The following TPD52L2 variants were observed in gnomAD, a reference collection of about 807,000 sequenced individuals.
TPD52L2 encodes TPD52 like 2.
A neutral mutation model predicts 24.7 loss-of-function variants in TPD52L2; 19 were observed. That is an observed-to-expected ratio of 0.77 (90% CI 0.54 to 1.13). TPD52L2 has a LOEUF of 1.13. Among genes scored for constraint, TPD52L2 ranks in the 50% most tolerant of loss-of-function variants. The pLI, the probability that TPD52L2 is intolerant of heterozygous loss-of-function variation, is 0.00. For synonymous variants in TPD52L2, 104 were observed against 100.2 expected, an observed-to-expected ratio of 1.04 and a Z score of -0.23; for missense variants, 236 against 250.4, an observed-to-expected ratio of 0.94 and a Z score of 0.39.
chr20:63,890,090 G>GCTGC lies in TPD52L2; in HGVS notation c.*147_*150dup, dbSNP rs2053276728. ...TCCTGCCCATCCACGCGGAGATGTGGCTGCCGCGTTTGCATGAATTTGAAG... is the reference window on the plus strand; with the variant it reads ...TCCTGCCCATCCACGCGGAGATGTGGCTGCCTGCCGCGTTTGCATGAATTTGAAG... On this transcript the variant is annotated 3_prime_UTR_variant, in exon 7 of 7. Transcript: ENST00000346249. 1 of 1,493,446 alleles carries GCTGC rather than the reference G, an allele frequency of 6.7e-7. No homozygotes were observed. Among genetic ancestry groups the GCTGC allele is most frequent in the Non-Finnish European group, 8.9e-7 (1 of 1,117,390 alleles). The allele number at this position is 1,493,446 out of a possible 1,614,324, so 92.5% of individuals were successfully genotyped here. A position where few individuals can be genotyped will look rare whatever the true frequency, so the allele number is the denominator to read the frequency against.
At chr20:63,887,575 T>A in intron 5 of TPD52L2, 1 of 1,613,084 alleles carries the variant, frequency 6.2e-7, no homozygotes, top group Non-Finnish European at 8.5e-7. Flanking sequence ...AGCTACTCCA[T>A]CCGCCACTCA....
chr20:63,886,508 C>T lies in TPD52L2; in HGVS notation c.477-2682C>T, dbSNP rs1327268014. ...CTCCGAGTAGCTGGGACTACAGGCG[C>T]CCGCCGCCACGCCCGGCTAATTTTT... On this transcript the variant is annotated intron_variant, in intron 5 of 6. Coordinates refer to ENST00000346249, the MANE Select transcript of TPD52L2 (RefSeq NM_003288.4). Among the ~76,000 whole-genome samples, 21 of 152,030 alleles carry T rather than the reference C, an allele frequency of 1.4e-4. No individual in the cohort carries two copies. The South Asian group carries it at 3.5e-3, about 26-fold the overall frequency.
intron 5 of TPD52L2, 143 bp downstream of exon 5, chr20:63,882,963 A>G: frequency 1.5e-6 from 1 of 650,150 alleles, no homozygotes. Context: ...GGCCCCGACC[A>G]GTCTGTGTGC....
intron 3 of TPD52L2, among the ~76,000 whole-genome samples, chr20:63,875,228 G>A (rs1227088610): frequency 2.0e-5 from 3 of 151,336 alleles, no homozygotes; most frequent in Non-Finnish European, 4.4e-5. Context: ...CCCCGATGAC[G>A]ACGTGGTCCT....
intron 4 of TPD52L2, among the ~76,000 whole-genome samples, chr20:63,876,131 G>A (rs1018118071): frequency 1.3e-5 from 2 of 152,204 alleles, no homozygotes; most frequent in South Asian, 4.1e-4. Context: ...CGTCCCTTAT[G>A]TAAGAGGCCT....
At chr20:63,884,269 AC>A (rs1232905046) in intron 5 of TPD52L2, among the ~76,000 whole-genome samples, 1 of 151,910 alleles carries the variant, frequency 6.6e-6, no homozygotes, top group East Asian at 1.9e-4. Flanking sequence ...CCCAGGAGGG[AC>A]CCCCTGAGTT....
chr20:63,881,814 G>GT (rs1255240102), intron 4 of TPD52L2, among the ~76,000 whole-genome samples: 8 of 152,214 alleles, frequency 5.3e-5, no homozygotes, highest in African/African-American at 1.9e-4. Flanking sequence ...TTATGTCAGA[G>GT]TCTGCTGTGT....
intron 5 of TPD52L2, chr20:63,887,443 C>T (rs921950202): frequency 2.4e-5 from 26 of 1,098,470 alleles, no homozygotes; most frequent in Admixed American, 3.4e-5. Flanking sequence ...GCAGGCAGCT[C>T]GCTCCAACTG....
chr20:63,867,410 A>T (rs1220300558), intron 1 of TPD52L2, among the ~76,000 whole-genome samples: 1 of 152,092 alleles, frequency 6.6e-6, no homozygotes, highest in African/African-American at 2.4e-5. Flanking sequence ...TACTAAAAAT[A>T]AAAAAATTAA....
At chr20:63,879,606 C>T (rs927206545) in intron 4 of TPD52L2, among the ~76,000 whole-genome samples, 2 of 151,566 alleles carry the variant, frequency 1.3e-5, no homozygotes, top group Admixed American at 6.6e-5. Flanking sequence ...GTAGCTTCCC[C>T]ATGCCCACTC....
intron 4 of TPD52L2, among the ~76,000 whole-genome samples, chr20:63,879,689 C>T (rs2052824514): frequency 7.0e-6 from 1 of 142,710 alleles, no homozygotes; most frequent in African/African-American, 2.6e-5. Context: ...GCTTCCCCAT[C>T]CCCACTCTTA....
At chr20:63,880,760 G>A (rs1017154716) in intron 4 of TPD52L2, among the ~76,000 whole-genome samples, 9 of 151,936 alleles carry the variant, frequency 5.9e-5, no homozygotes, top group Non-Finnish European at 1.0e-4. Flanking sequence ...ATGTGGTGGC[G>A]GGCGCCTGTA....
At chr20:63,889,452 A>T (rs1485243517) in intron 6 of TPD52L2, among the ~76,000 whole-genome samples, 1 of 152,104 alleles carries the variant, frequency 6.6e-6, no homozygotes, top group Non-Finnish European at 1.5e-5. Flanking sequence ...GCACTGACTC[A>T]GGACACAGAA....
Position 63,865,297 on chromosome 20 carries a change from G to T in TPD52L2, c.-69G>T. The T allele has an allele frequency of 6.7e-7, 1 of 1,484,034 alleles. No homozygotes were observed. The highest frequency in any genetic ancestry group is 8.9e-7 in the Non-Finnish European group (1 of 1,122,238). 91.9% of individuals were successfully genotyped at this position (1,484,034 alleles called of 1,614,324 possible). ...TTCCGCTGGCTAGTGTGTACGCGGC[G>T]AGCTTCTCCCGGCGCCGCCCGCTCG... On this transcript the variant is annotated 5_prime_UTR_variant, in exon 1 of 7. Transcript: ENST00000346249.
At chr20:63,865,409 G>A in intron 1 of TPD52L2, 25 bp downstream of exon 1, 4 of 1,527,494 alleles carry the variant, frequency 2.6e-6, no homozygotes, top group East Asian at 2.5e-5. Flanking sequence ...CGGCCCCTTC[G>A]CCGCAGATGG....
At chr20:63,888,797 G>A (rs188096875) in intron 5 of TPD52L2, 27 of 230,922 alleles carry the variant, frequency 1.2e-4, no homozygotes, top group African/African-American at 5.0e-4. Context: ...ACCTCAGTAC[G>A]AGAGCCCGGG....
intron 5 of TPD52L2, chr20:63,887,674 CGG>C: frequency 6.8e-7 from 1 of 1,479,890 alleles, no homozygotes; most frequent in Non-Finnish European, 9.4e-7. Context: ...CAGCTCCCGC[CGG>C]TTACACCTTG....
intron 5 of TPD52L2, chr20:63,887,487 C>A: frequency 6.6e-7 from 1 of 1,510,922 alleles, no homozygotes; most frequent in African/African-American, 1.4e-5. Context: ...CTGCCCATCC[C>A]TGCCAAGTTG....
At chr20:63,868,815 G>T (rs1021813655) in intron 1 of TPD52L2, among the ~76,000 whole-genome samples, 3 of 152,152 alleles carry the variant, frequency 2.0e-5, no homozygotes, top group African/African-American at 7.2e-5. Context: ...GGTGGCGTGC[G>T]CCTGTAATCC....
Sources: allele counts gnomAD v4.1 joint callset (sites outside exome capture counted in the v4.1 genomes callset), GRCh38; gene constraint gnomAD v4.1.1; transcripts MANE v1.5; gene names NCBI Gene and HGNC (gene_info 2026-07-23, HGNC 2026-07-21).